The following RALGAPB variants were observed in gnomAD, a reference collection of about 807,000 sequenced individuals.
RALGAPB encodes the protein ral GTPase-activating protein subunit beta.
Under a neutral mutation model 161.1 loss-of-function variants are expected in RALGAPB, and 25 were observed. The observed-to-expected ratio is 0.16, with a 90% CI of 0.11 to 0.22. The LOEUF (loss-of-function observed/expected upper bound fraction) is 0.22. Among genes scored for constraint, RALGAPB ranks in the 10% least tolerant of loss-of-function variants. RALGAPB has a pLI of 1.00. For missense variants in RALGAPB, 1,391 were observed against 1,815.2 expected (o/e 0.77, Z 4.25); for synonymous variants, 629 against 626.1 (o/e 1.00, Z -0.07).
At chr20:38,542,820 A>T (rs2087015517) in intron 18 of RALGAPB, among the ~76,000 whole-genome samples, 1 of 151,410 alleles carries the variant, frequency 6.6e-6, no homozygotes, top group South Asian at 2.1e-4. Context: ...GGTTGCAGTG[A>T]GCCGAGATCA....
At chr20:38,547,321 A>G (rs1424948641) in intron 19 of RALGAPB, 1 of 152,188 alleles carries the variant, frequency 6.6e-6, no homozygotes, top group Non-Finnish European at 1.5e-5. Context: ...GGGGAAGGAA[A>G]GTGAAGGTTA....
chr20:38,519,803 CTG>C (rs1568936483), intron 9 of RALGAPB, among the ~76,000 whole-genome samples: 1 of 152,148 alleles, frequency 6.6e-6, no homozygotes, highest in Non-Finnish European at 1.5e-5. Flanking sequence ...GGTATATTAA[CTG>C]TTTTTTAAGT....
chr20:38,520,524 C>CTTTTTTTTTTTT (rs775371608), intron 9 of RALGAPB, among the ~76,000 whole-genome samples: 5 of 70,316 alleles, frequency 7.1e-5, no homozygotes, highest in African/African-American at 1.2e-4. Context: ...TGTGTTTTGG[C>CTTTTTTTTTTTT]TTTTTTTTTT....
chr20:38,571,390 C>T (rs1290108802), intron 28 of RALGAPB, among the ~76,000 whole-genome samples: 1 of 152,152 alleles, frequency 6.6e-6, no homozygotes, highest in African/African-American at 2.4e-5. Flanking sequence ...TCCCTCCCTG[C>T]AGTTCCTGAC....
Position 38,509,096 on chromosome 20 carries a change from G to C in RALGAPB, c.760G>C (p.Gly254Arg). 1 of 1,613,616 alleles carries C rather than the reference G, an allele frequency of 6.2e-7. No homozygotes were observed. Among genetic ancestry groups the C allele is most frequent in the South Asian group, 1.1e-5 (1 of 91,070 alleles). Residue 254 changes from glycine to arginine, a missense_variant, in exon 6 of 30, where the codon GGT (glycine) becomes CGT (arginine). Gly to Arg is a moderately radical substitution (Grantham distance 125, BLOSUM62 -2). Transcript: ENST00000262879. ...LTSRLLRFTY[G>R]PSFPAFKVPD... ...TTCTAGATTGCTACGCTTTACATATGGTCCTTCATTTCCTGCATTTAAAGT... is the reference window on the plus strand; with the variant it reads ...TTCTAGATTGCTACGCTTTACATATCGTCCTTCATTTCCTGCATTTAAAGT...
At chr20:38,473,838 A>AT (rs201210794) in intron 1 of RALGAPB, among the ~76,000 whole-genome samples, 18 of 150,928 alleles carry the variant, frequency 1.2e-4, no homozygotes, top group East Asian at 3.9e-4. Context: ...AGACTTCAAT[A>AT]TTTTTTTTTT....
Position 38,549,309 on chromosome 20 carries a change from C to T in RALGAPB, c.3009+514C>T, listed in dbSNP as rs1053033300. 3.3e-5 allele frequency among the ~76,000 whole-genome samples: 5 copies of T among 151,822 alleles called. No individual in the cohort carries two copies. The East Asian group carries it at 9.7e-4, about 29-fold the overall frequency. ...GTGGTGTAATCATAGCTCACTGCAG[C>T]CTCAAGCTCCTGGGCTCCAGTGATC... On this transcript the variant is annotated intron_variant, in intron 20 of 29. Transcript: ENST00000262879.
In RALGAPB at chr20:38,575,778, A is replaced by G. The variant is rs980729774; in HGVS notation, c.*811A>G. 1 of 152,376 alleles carries G rather than the reference A, an allele frequency of 6.6e-6. No individual in the cohort carries two copies. The highest frequency in any genetic ancestry group is 2.4e-5 in the African/African-American group (1 of 41,464). 9.4% of individuals were successfully genotyped at this position (152,376 alleles called of 1,614,324 possible). ...GGGGTGACATAATGACAGGTTAAAT[A>G]TTTGTGATTCATTGATTAAATATTA... On this transcript the variant is annotated 3_prime_UTR_variant, in exon 30 of 30. Coordinates refer to ENST00000262879, the MANE Select transcript of RALGAPB (RefSeq NM_020336.4).
At chr20:38,531,295 C>T (rs1252114944) in intron 14 of RALGAPB, 64 bp downstream of exon 14, 2 of 1,343,040 alleles carry the variant, frequency 1.5e-6, no homozygotes, top group South Asian at 1.2e-5. Flanking sequence ...AATTATATTC[C>T]AGAATGTCCA....
Position 38,509,284 on chromosome 20 carries a change from T to C in RALGAPB, c.872+76T>C, listed in dbSNP as rs138524155. The C allele has an allele frequency of 1.7e-4, 258 of 1,486,936 alleles. No individual in the cohort carries two copies. In the African/African-American group the frequency reaches 3.0e-3, roughly 17 times the overall value. 92.1% of individuals were successfully genotyped at this position (1,486,936 alleles called of 1,614,324 possible). On this transcript the variant is annotated intron_variant, in intron 6 of 29. Transcript: ENST00000262879. ...GGCAGGAATCATGCTGTAAGTCTCT[T>C]GTTTGAATTCAGAAGGTGGACACTA...
chr20:38,551,033 A>G, intron 20 of RALGAPB, 38 bp from the exon 21 acceptor site: 1 of 1,604,452 alleles, frequency 6.2e-7, no homozygotes, highest in Non-Finnish European at 8.5e-7. Flanking sequence ...TGGGTATTGG[A>G]CCCTGTGTAA....
chr20:38,497,583 G>A (rs990084709), intron 4 of RALGAPB, 67 bp downstream of exon 4: 1 of 1,498,702 alleles, frequency 6.7e-7, no homozygotes, highest in African/African-American at 1.4e-5. Context: ...TAAACTCAGT[G>A]AGCGGTAGAC....
At chr20:38,519,626 T>C (rs1468460119) in intron 9 of RALGAPB, among the ~76,000 whole-genome samples, 1 of 152,268 alleles carries the variant, frequency 6.6e-6, no homozygotes, top group African/African-American at 2.4e-5. Flanking sequence ...CATCTTACTT[T>C]AAAATTTTTC....
chr20:38,539,133 CA>C (rs1373291633), intron 16 of RALGAPB, among the ~76,000 whole-genome samples: 3 of 151,840 alleles, frequency 2.0e-5, no homozygotes, highest in Non-Finnish European at 4.4e-5. Flanking sequence ...GAAACCAGAC[CA>C]AAAAAAGTAC....
chr20:38,484,701 A>G (rs1471457570), intron 1 of RALGAPB, among the ~76,000 whole-genome samples: 1 of 152,154 alleles, frequency 6.6e-6, no homozygotes, highest in Non-Finnish European at 1.5e-5. Flanking sequence ...ACTGTGTAAT[A>G]GCTGTAAACA....
At chr20:38,482,871 GT>G (rs1433648835) in intron 1 of RALGAPB, among the ~76,000 whole-genome samples, 101 of 152,156 alleles carry the variant, frequency 6.6e-4, no homozygotes, top group Middle Eastern at 3.4e-3. Flanking sequence ...AACACAATGT[GT>G]AGGCTCCTAA....
chr20:38,525,493 A>G lies in RALGAPB; in HGVS notation c.1877A>G (p.His626Arg). Residue 626 changes from histidine (H) to arginine (R), a missense_variant, in exon 12 of 30, where the codon CAT becomes CGT. By Grantham distance (29) the His-to-Arg change is conservative (BLOSUM62 0). Coordinates refer to ENST00000262879, the MANE Select transcript of RALGAPB (RefSeq NM_020336.4). ...NILLSLLPLP[H>R]HFGTVKSEVV... is the part of the protein sequence containing the mutation. ...CTGCTTTCTTTGTTGCCCCTCCCTC[A>G]TCATTTTGGCACAGTCAAATCTGAG... 1.2e-6 allele frequency: 2 copies of G among 1,607,320 alleles called. No individual in the cohort carries two copies. Among genetic ancestry groups the G allele is most frequent in the African/African-American group, 1.3e-5 (1 of 74,772 alleles).
chr20:38,531,283 T>A, intron 14 of RALGAPB, 52 bp downstream of exon 14: 1 of 1,411,862 alleles, frequency 7.1e-7, no homozygotes, highest in Non-Finnish European at 1.0e-6. Context: ...GAATTTCATG[T>A]AAATTATATT....
At chr20:38,524,693 G>A in intron 10 of RALGAPB, 85 bp from the exon 11 acceptor site, 1 of 1,033,168 alleles carries the variant, frequency 9.7e-7, no homozygotes, top group East Asian at 2.4e-5. Flanking sequence ...AGTGGAAATA[G>A]ACTTTCAGTT....
Sources: allele counts gnomAD v4.1 joint callset (sites outside exome capture counted in the v4.1 genomes callset), GRCh38; gene constraint gnomAD v4.1.1; transcripts MANE v1.5; gene names NCBI Gene and HGNC (gene_info 2026-07-23, HGNC 2026-07-21).